The following ZRANB3 variants were observed in gnomAD, a reference collection of about 807,000 sequenced individuals.
The protein encoded by ZRANB3 is zinc finger RANBP2-type containing 3.
In ZRANB3, 125 loss-of-function variants were observed where a neutral mutation model predicts 133.8. The observed-to-expected ratio is 0.93, with a 90% CI of 0.81 to 1.08. ZRANB3 has a LOEUF of 1.08. Among genes scored for constraint, ZRANB3 ranks in the 50% least tolerant of loss-of-function variants. ZRANB3 has a pLI of 0.00. For synonymous variants in ZRANB3, 387 were observed against 432.7 expected (o/e 0.89, Z 1.31); for missense variants, 1,229 against 1,275.5 (o/e 0.96, Z 0.56).
intron 6 of ZRANB3, among the ~76,000 whole-genome samples, chr2:135,334,343 G>A (rs541368311): frequency 6.6e-5 from 10 of 152,334 alleles, no homozygotes; most frequent in African/African-American, 2.2e-4. Context: ...ATAAATAGGT[G>A]AGGGTTTCTC....
intron 6 of ZRANB3, among the ~76,000 whole-genome samples, chr2:135,333,607 C>T (rs1684247223): frequency 2.0e-5 from 3 of 152,102 alleles, no homozygotes. Flanking sequence ...GTTTCATGCT[C>T]TAAGTTTTAC....
chr2:135,369,669 C>T (rs1009807924), intron 3 of ZRANB3, among the ~76,000 whole-genome samples: 3 of 152,096 alleles, frequency 2.0e-5, no homozygotes, highest in African/African-American at 4.8e-5. Context: ...CCACTATAGC[C>T]GAAGTAAGGT....
rs1370452317 is a variant in ZRANB3 at position 135,207,580 on chromosome 2, C to A, written c.2863G>T (p.Ala955Ser). 6.2e-7 allele frequency: 1 copy of A among 1,614,004 alleles called. No individual in the cohort carries two copies. The highest frequency in any genetic ancestry group is 1.3e-5 in the African/African-American group (1 of 75,036). The change falls in exon 19 of 21, where the codon GCC becomes TCC. Residue 955 changes from alanine to serine, a missense_variant. Coordinates refer to ENST00000264159, the MANE Select transcript of ZRANB3 (RefSeq NM_032143.4). ...WIRSNNSYLR[A>S]KVFETEHGVC... ...CCATGTTCAGTTTCAAATACTTTGG[C>A]TCTCAGGTAACTGTTATTAGATCGA...
chr2:135,519,116 T>C (rs1403478607), intron 1 of ZRANB3, among the ~76,000 whole-genome samples: 2 of 151,926 alleles, frequency 1.3e-5, no homozygotes, highest in African/African-American at 4.8e-5. Flanking sequence ...AGTGGTTAGG[T>C]TGGGGTGGGA....
chr2:135,440,436 G>A (rs946972043), intron 2 of ZRANB3, among the ~76,000 whole-genome samples: 5 of 151,868 alleles, frequency 3.3e-5, no homozygotes, highest in Non-Finnish European at 7.4e-5. Context: ...TTTCAACTGC[G>A]TGAGGGACCA....
chr2:135,474,070 A>C (rs1056431083), intron 2 of ZRANB3, among the ~76,000 whole-genome samples: 3 of 152,012 alleles, frequency 2.0e-5, no homozygotes, highest in Admixed American at 2.0e-4. Flanking sequence ...TTGCGTCTCT[A>C]GTCTCAGCTA....
chr2:135,290,141 T>G (rs1187954885), intron 8 of ZRANB3, among the ~76,000 whole-genome samples: 2 of 152,306 alleles, frequency 1.3e-5, no homozygotes, highest in East Asian at 3.9e-4. Flanking sequence ...TTCAGTCCAT[T>G]GATTCTTTGT....
chr2:135,239,449 GA>G, intron 12 of ZRANB3, among the ~76,000 whole-genome samples: 1 of 151,602 alleles, frequency 6.6e-6, no homozygotes, highest in East Asian at 1.9e-4. Context: ...AATAAGGAAG[GA>G]AAATTTAGGC....
chr2:135,429,085 A>AT (rs1689212515), intron 2 of ZRANB3, among the ~76,000 whole-genome samples: 3 of 152,216 alleles, frequency 2.0e-5, no homozygotes, highest in African/African-American at 7.2e-5. Context: ...ACATACACGC[A>AT]TATGTTCATC....
intron 20 of ZRANB3, among the ~76,000 whole-genome samples, chr2:135,202,272 A>C (rs190031111): frequency 6.6e-6 from 1 of 152,318 alleles, no homozygotes; most frequent in East Asian, 1.9e-4. Flanking sequence ...CAGCAGGTAA[A>C]TCCCACTACC....
At chr2:135,442,318 G>C (rs531552312) in intron 2 of ZRANB3, among the ~76,000 whole-genome samples, 2 of 152,060 alleles carry the variant, frequency 1.3e-5, no homozygotes, top group Non-Finnish European at 2.9e-5. Flanking sequence ...CTAACATCCA[G>C]AATCTACAAA....
intron 20 of ZRANB3, among the ~76,000 whole-genome samples, chr2:135,200,662 T>C (rs1475254832): frequency 1.3e-5 from 2 of 151,426 alleles, no homozygotes; most frequent in Non-Finnish European, 2.9e-5. Context: ...GGAGAAAACA[T>C]ACAACTTGGG....
intron 6 of ZRANB3, among the ~76,000 whole-genome samples, chr2:135,336,764 A>C (rs1424437113): frequency 6.6e-6 from 1 of 152,174 alleles, no homozygotes; most frequent in African/African-American, 2.4e-5. Context: ...GACAAGTTCT[A>C]GTCAGGAAAC....
intron 8 of ZRANB3, among the ~76,000 whole-genome samples, chr2:135,299,035 C>A (rs1316606645): frequency 6.6e-6 from 1 of 152,142 alleles, no homozygotes; most frequent in Non-Finnish European, 1.5e-5. Flanking sequence ...ACAAGTATTC[C>A]ACTTTCTCGG....
intron 2 of ZRANB3, among the ~76,000 whole-genome samples, chr2:135,450,429 A>G (rs6730206): frequency 0.069 from 10,496 of 152,122 alleles, 760 homozygotes; most frequent in African/African-American, 0.19. Flanking sequence ...TTTCTATTAT[A>G]GATTAGGAAA....
Position 135,198,366 on chromosome 2 carries a change from A to G in ZRANB3, c.*1976T>C, listed in dbSNP as rs1693487822. ...AATGCAGACCAAATTAGGGGAAGGC[A>G]GGACACAAAGCTCTGAGACATGTCA... On this transcript the variant is annotated 3_prime_UTR_variant, in exon 21 of 21. Coordinates refer to ENST00000264159, the MANE Select transcript of ZRANB3 (RefSeq NM_032143.4). The G allele has an allele frequency of 6.6e-6, 1 of 152,242 alleles. No homozygotes were observed. Among genetic ancestry groups the G allele is most frequent in the Admixed American group, 6.5e-5 (1 of 15,280 alleles). 9.4% of individuals were successfully genotyped at this position (152,242 alleles called of 1,614,324 possible).
intron 2 of ZRANB3, among the ~76,000 whole-genome samples, chr2:135,404,735 T>C (rs983707878): frequency 7.9e-5 from 12 of 152,156 alleles, no homozygotes; most frequent in African/African-American, 2.7e-4. Context: ...GGAAGCCCAT[T>C]AGACTAACGG....
At chr2:135,280,732 C>T (rs1471852774) in intron 8 of ZRANB3, among the ~76,000 whole-genome samples, 1 of 151,840 alleles carries the variant, frequency 6.6e-6, no homozygotes, top group East Asian at 1.9e-4. Context: ...AAATTGTTGG[C>T]TTTTAAACAA....
At position 135,274,779 on chromosome 2, in the gene ZRANB3, G is replaced by A. The variant is rs932464004; in HGVS notation, c.1086+857C>T. 1.0e-3 allele frequency among the ~76,000 whole-genome samples: 156 copies of A among 152,122 alleles called. 1 individual carries two copies. Among genetic ancestry groups the A allele is most frequent in the African/African-American group, 3.5e-3 (145 of 41,554 alleles). Reference sequence around the variant, plus strand: ...TAGGCAGAGGACCCTGCGGCCTTCCGCAGTGTTTGTGTCCCTGGGTACTTG... The same window carrying A: ...TAGGCAGAGGACCCTGCGGCCTTCCACAGTGTTTGTGTCCCTGGGTACTTG... On this transcript the variant is annotated intron_variant, in intron 9 of 20. Transcript: ENST00000264159.
Sources: gnomAD v4.1 joint callset for allele counts (sites outside exome capture counted in the v4.1 genomes callset) on GRCh38, gnomAD v4.1.1 for gene constraint, MANE v1.5 for transcripts, NCBI Gene and HGNC (gene_info 2026-07-23, HGNC 2026-07-21) for gene names.